STX8: variants seen among roughly 807,000 people sequenced by gnomAD.
STX8 encodes syntaxin 8.
A neutral mutation model predicts 37.5 loss-of-function variants in STX8; 23 were observed. The observed-to-expected ratio is 0.61, with a 90% CI of 0.44 to 0.87. STX8 has a LOEUF of 0.87. Ranked by LOEUF, STX8 falls within the 40% of genes least tolerant of loss-of-function variation. The pLI, the probability that STX8 is intolerant of heterozygous loss-of-function variation, is 0.00. For synonymous variants in STX8, 115 were observed against 99.1 expected (o/e 1.16, Z -0.95); for missense variants, 313 against 284.7 (o/e 1.10, Z -0.71).
At chr17:9,282,795 C>T (rs2142154121) in intron 7 of STX8, among the ~76,000 whole-genome samples, 1 of 152,312 alleles carries the variant, frequency 6.6e-6, no homozygotes, top group South Asian at 2.1e-4. Flanking sequence ...CACCTGGTGG[C>T]CGCATGCATA....
chr17:9,399,061 A>AG (rs1912511556), intron 6 of STX8, among the ~76,000 whole-genome samples: 1 of 152,034 alleles, frequency 6.6e-6, no homozygotes, highest in Admixed American at 6.6e-5. Context: ...AAAAAAAAAA[A>AG]AAAAGCTACA....
chr17:9,347,648 C>G (rs1309779761), intron 7 of STX8, among the ~76,000 whole-genome samples: 1 of 152,180 alleles, frequency 6.6e-6, no homozygotes, highest in Non-Finnish European at 1.5e-5. Flanking sequence ...TCCCAAGTAG[C>G]TGGGATTACA....
intron 7 of STX8, among the ~76,000 whole-genome samples, chr17:9,251,788 A>G (rs899266447): frequency 3.9e-5 from 6 of 152,240 alleles, no homozygotes; most frequent in African/African-American, 1.4e-4. Context: ...TCAGGGTTCA[A>G]TGTGGATCAG....
At chr17:9,253,107 TC>T (rs796987402) in intron 7 of STX8, among the ~76,000 whole-genome samples, 6 of 152,286 alleles carry the variant, frequency 3.9e-5, no homozygotes, top group African/African-American at 1.4e-4. Context: ...TTTCCTTTCT[TC>T]CTTGTAAATT....
At chr17:9,299,956 T>C (rs1361431325) in intron 7 of STX8, among the ~76,000 whole-genome samples, 3 of 152,212 alleles carry the variant, frequency 2.0e-5, no homozygotes, top group Admixed American at 6.5e-5. Context: ...GTCAAGATCT[T>C]GGAACCTAGG....
intron 7 of STX8, among the ~76,000 whole-genome samples, chr17:9,302,284 GT>G (rs928598540): frequency 2.0e-5 from 3 of 151,514 alleles, no homozygotes; most frequent in Non-Finnish European, 4.4e-5. Context: ...TGGTGGTTTT[GT>G]TTTTTTTCTT....
chr17:9,419,911 G>A (rs111599749), intron 6 of STX8, among the ~76,000 whole-genome samples: 2 of 152,110 alleles, frequency 1.3e-5, no homozygotes, highest in African/African-American at 4.8e-5. Flanking sequence ...TTTGGCATAG[G>A]CTAACTTTTC....
At chr17:9,492,983 AGC>A (rs2142478830) in intron 5 of STX8, among the ~76,000 whole-genome samples, 1 of 152,250 alleles carries the variant, frequency 6.6e-6, no homozygotes, top group East Asian at 1.9e-4. Flanking sequence ...CTGTAGGCCC[AGC>A]TACTGGGGAG....
intron 2 of STX8, among the ~76,000 whole-genome samples, chr17:9,562,967 A>C (rs1232166926): frequency 6.6e-6 from 1 of 152,180 alleles, no homozygotes; most frequent in Non-Finnish European, 1.5e-5. Flanking sequence ...ACAACTCAAG[A>C]CTGGAAGCAA....
intron 7 of STX8, among the ~76,000 whole-genome samples, chr17:9,355,977 G>A (rs1910869552): frequency 6.6e-6 from 1 of 152,142 alleles, no homozygotes; most frequent in Non-Finnish European, 1.5e-5. Flanking sequence ...GAAACTGCCA[G>A]GAGTGACCAC....
chr17:9,268,246 G>A (rs1356218499), intron 7 of STX8, among the ~76,000 whole-genome samples: 3 of 150,918 alleles, frequency 2.0e-5, no homozygotes, highest in Non-Finnish European at 2.9e-5. Context: ...TCAGAGTTGT[G>A]AGCCCTGTGG....
chr17:9,425,920 C>G (rs191511419), intron 6 of STX8, among the ~76,000 whole-genome samples: 1 of 152,154 alleles, frequency 6.6e-6, no homozygotes, highest in Non-Finnish European at 1.5e-5. Flanking sequence ...CTCTCTTGCA[C>G]GCACGTATGC....
At chr17:9,406,267 T>C (rs1349610241) in intron 6 of STX8, among the ~76,000 whole-genome samples, 1 of 152,162 alleles carries the variant, frequency 6.6e-6, no homozygotes, top group Non-Finnish European at 1.5e-5. Context: ...ATTGTATGGG[T>C]CCCATGGTGT....
chr17:9,316,287 G>A (rs868692289), intron 7 of STX8, among the ~76,000 whole-genome samples: 3 of 152,038 alleles, frequency 2.0e-5, no homozygotes, highest in Non-Finnish European at 4.4e-5. Context: ...AAAGTGATAA[G>A]TGTCTTTCTG....
intron 5 of STX8, among the ~76,000 whole-genome samples, chr17:9,497,904 A>T (rs1338779109): frequency 6.6e-6 from 1 of 152,216 alleles, no homozygotes; most frequent in Non-Finnish European, 1.5e-5. Flanking sequence ...TAGGTTTACA[A>T]AAGAAAGGAA....
chr17:9,337,802 G>T (rs748316907), intron 7 of STX8, among the ~76,000 whole-genome samples: 6 of 152,176 alleles, frequency 3.9e-5, no homozygotes, highest in Non-Finnish European at 8.8e-5. Context: ...AGGTATTCTG[G>T]GTAGAGGCGG....
intron 7 of STX8, among the ~76,000 whole-genome samples, chr17:9,274,137 T>G (rs748899354): frequency 1.3e-5 from 2 of 152,182 alleles, no homozygotes; most frequent in Non-Finnish European, 2.9e-5. Context: ...TGCCACCTAC[T>G]CTGGCTTTGC....
chr17:9,485,261 G>C (rs149808405), intron 6 of STX8, among the ~76,000 whole-genome samples: 3 of 152,322 alleles, frequency 2.0e-5, no homozygotes, highest in African/African-American at 7.2e-5. Context: ...CAGTGGCCCA[G>C]AGGTATGAAC....
chr17:9,391,547 A>C (rs1405166308), intron 6 of STX8, among the ~76,000 whole-genome samples: 1 of 152,122 alleles, frequency 6.6e-6, no homozygotes, highest in African/African-American at 2.4e-5. Flanking sequence ...AAAAAGCAAA[A>C]CAAATGTGGC....
Sources: gnomAD v4.1 joint callset for allele counts (sites outside exome capture counted in the v4.1 genomes callset) on GRCh38, gnomAD v4.1.1 for gene constraint, MANE v1.5 for transcripts, NCBI Gene and HGNC (gene_info 2026-07-23, HGNC 2026-07-21) for gene names.